The following SUSD6 variants were observed in gnomAD, a reference collection of about 807,000 sequenced individuals.
The protein encoded by SUSD6 is sushi domain containing 6, also known as sushi domain-containing protein 6.
SUSD6 carries 16 observed loss-of-function variants against 28.4 expected under a neutral mutation model. That is an observed-to-expected ratio of 0.56 (90% CI 0.38 to 0.86). The LOEUF is 0.86. SUSD6 is among the 40% of genes least tolerant of loss of function. The probability of loss-of-function intolerance (pLI) is 0.00; values close to 1 mark genes in which losing one functional copy is unlikely to be tolerated. For synonymous variants in SUSD6, 147 were observed against 159.6 expected (o/e 0.92, Z 0.59); for missense variants, 341 against 384.2 (o/e 0.89, Z 0.94).
chr14:69,663,091 A>G (rs981846535), intron 2 of SUSD6, among the ~76,000 whole-genome samples: 1 of 152,166 alleles, frequency 6.6e-6, no homozygotes, highest in Non-Finnish European at 1.5e-5. Flanking sequence ...ATCAAATTTG[A>G]CCAGTAAGGA....
At chr14:69,612,914 T>C (rs1233205031) in intron 1 of SUSD6, among the ~76,000 whole-genome samples, 2 of 152,214 alleles carry the variant, frequency 1.3e-5, no homozygotes, top group African/African-American at 4.8e-5. Context: ...TGTAAAAACA[T>C]ACATAGGAGT....
At chr14:69,696,043 T>A (rs1457082410) in intron 2 of SUSD6, among the ~76,000 whole-genome samples, 1 of 152,212 alleles carries the variant, frequency 6.6e-6, no homozygotes, top group Non-Finnish European at 1.5e-5. Context: ...CTGTACGAAG[T>A]AGCTGGATGT....
At chr14:69,617,742 T>A (rs1206734861) in intron 1 of SUSD6, 1 of 152,218 alleles carries the variant, frequency 6.6e-6, no homozygotes, top group African/African-American at 2.4e-5. Flanking sequence ...TCTCAGAAGC[T>A]TTTCCTTTTC....
At chr14:69,630,863 C>T (rs1885182978) in intron 1 of SUSD6, among the ~76,000 whole-genome samples, 1 of 152,148 alleles carries the variant, frequency 6.6e-6, no homozygotes, top group Non-Finnish European at 1.5e-5. Flanking sequence ...TGGGGTCAAG[C>T]GTACATGCTG....
intron 2 of SUSD6, among the ~76,000 whole-genome samples, chr14:69,667,032 A>AG (rs1595048109): frequency 1.3e-5 from 2 of 152,230 alleles, no homozygotes; most frequent in South Asian, 2.1e-4. Context: ...TCCTTGGGAG[A>AG]GGGCGGGACC....
chr14:69,702,190 G>A (rs1210491174), intron 2 of SUSD6, among the ~76,000 whole-genome samples: 1 of 152,166 alleles, frequency 6.6e-6, no homozygotes, highest in African/African-American at 2.4e-5. Context: ...ATTCAGGATG[G>A]GGGCAGGTTA....
intron 1 of SUSD6, among the ~76,000 whole-genome samples, chr14:69,645,949 C>T (rs565385877): frequency 3.3e-5 from 5 of 152,274 alleles, no homozygotes; most frequent in East Asian, 1.9e-4. Context: ...GGGGTTTCAC[C>T]GTGTTGGCCA....
At chr14:69,623,077 T>C (rs1271232414) in intron 1 of SUSD6, among the ~76,000 whole-genome samples, 1 of 152,186 alleles carries the variant, frequency 6.6e-6, no homozygotes, top group African/African-American at 2.4e-5. Context: ...TAGCACATGT[T>C]GAGAGGTGGG....
chr14:69,654,540 C>G (rs542467319), intron 1 of SUSD6, among the ~76,000 whole-genome samples: 42 of 152,112 alleles, frequency 2.8e-4, no homozygotes, highest in African/African-American at 9.9e-4. Context: ...GTAGAGGGAG[C>G]AATTAGGTTT....
At chr14:69,635,710 A>G (rs957641003) in intron 1 of SUSD6, among the ~76,000 whole-genome samples, 3 of 152,120 alleles carry the variant, frequency 2.0e-5, no homozygotes, top group Non-Finnish European at 2.9e-5. Context: ...GGTTCCCATT[A>G]TAACCCCTTT....
At chr14:69,657,579 G>C (rs975378231) in intron 1 of SUSD6, among the ~76,000 whole-genome samples, 3 of 151,970 alleles carry the variant, frequency 2.0e-5, no homozygotes, top group Admixed American at 6.6e-5. Context: ...GGAGAAGGGG[G>C]TGTGTGTGTG....
rs934150103 is a variant in SUSD6, at chr14:69,687,860, C to CT, written c.122-15527dup. Among the ~76,000 whole-genome samples the CT allele has an allele frequency of 5.3e-5, 8 of 152,008 alleles. No homozygotes were observed. In the South Asian group the frequency reaches 6.3e-4, roughly 12 times the overall value. On this transcript the variant is annotated intron_variant, in intron 2 of 5. Transcript: ENST00000342745. ...CTTTGTGGAAGATTGCAATTAGATG[C>CT]TTTTTTTTCTTTTTGTTTTTTTTCT...
At position 69,631,548 on chromosome 14, in the gene SUSD6, G is replaced by A. The variant is rs551102115; in HGVS notation, c.-81+19720G>A. Among the ~76,000 whole-genome samples the A allele has an allele frequency of 2.6e-5, 4 of 152,172 alleles. No homozygotes were observed. In the East Asian group the frequency reaches 7.7e-4, roughly 29 times the overall value. ...GATATAACAGTACCTACCTTTTAAG[G>A]TTGTTGCAAGGATTAAATAAGATAT... On this transcript the variant is annotated intron_variant, in intron 1 of 5. Transcript: ENST00000342745.
intron 2 of SUSD6, among the ~76,000 whole-genome samples, chr14:69,697,259 C>T (rs1214949089): frequency 6.6e-6 from 1 of 152,102 alleles, no homozygotes; most frequent in African/African-American, 2.4e-5. Flanking sequence ...GGGTTTTGGT[C>T]GACTTCTCTG....
chr14:69,671,291 G>A (rs901325107), intron 2 of SUSD6, among the ~76,000 whole-genome samples: 2 of 152,222 alleles, frequency 1.3e-5, no homozygotes, highest in Admixed American at 1.3e-4. Context: ...TTAATTTTAG[G>A]TACAATTTGT....
In SUSD6 at chr14:69,711,026, C is replaced by A; in HGVS notation, c.*47C>A. 1 of 1,600,496 alleles carries A rather than the reference C, an allele frequency of 6.2e-7. No individual in the cohort carries two copies. Among genetic ancestry groups the A allele is most frequent in the Non-Finnish European group, 8.6e-7 (1 of 1,167,674 alleles). ...CTCTGCGAGGTTCTCTCAGCCCTTC[C>A]TCCCTCTCCCTGTGGGATTGAGCAC... On this transcript the variant is annotated 3_prime_UTR_variant, in exon 6 of 6. Transcript: ENST00000342745.
At chr14:69,681,575 G>A (rs1435794373) in intron 2 of SUSD6, among the ~76,000 whole-genome samples, 1 of 152,148 alleles carries the variant, frequency 6.6e-6, no homozygotes, top group Non-Finnish European at 1.5e-5. Context: ...ATCTGAAGTG[G>A]GAGACTTTGA....
chr14:69,688,815 C>A (rs1886112486), intron 2 of SUSD6, among the ~76,000 whole-genome samples: 1 of 152,170 alleles, frequency 6.6e-6, no homozygotes, highest in Admixed American at 6.5e-5. Flanking sequence ...AGCAGGCTTT[C>A]ATTTTATTAT....
chr14:69,624,308 T>C (rs1211239165), intron 1 of SUSD6, among the ~76,000 whole-genome samples: 2 of 152,220 alleles, frequency 1.3e-5, no homozygotes, highest in Non-Finnish European at 2.9e-5. Flanking sequence ...GTAAGTACAC[T>C]CTGTGATGTC....
Sources: gnomAD v4.1 joint callset for allele counts (sites outside exome capture counted in the v4.1 genomes callset) on GRCh38, gnomAD v4.1.1 for gene constraint, MANE v1.5 for transcripts, NCBI Gene and HGNC (gene_info 2026-07-23, HGNC 2026-07-21) for gene names.